Variants in ANKFN1 observed in about 807,000 individuals in gnomAD.
ANKFN1 encodes ankyrin repeat and fibronectin type III domain containing 1.
Under a neutral mutation model 108.7 loss-of-function variants are expected in ANKFN1, and 74 were observed. The observed-to-expected ratio is 0.68, with a 90% CI of 0.56 to 0.83. The LOEUF (loss-of-function observed/expected upper bound fraction) is 0.83. ANKFN1 is among the 40% of genes least tolerant of loss of function. ANKFN1 has a pLI of 0.00. For synonymous variants in ANKFN1, 547 were observed against 516.2 expected (o/e 1.06, Z -0.81); for missense variants, 1,505 against 1,382.3 (o/e 1.09, Z -1.41).
rs2050747805 is a variant in ANKFN1, at chr17:56,482,608, C to T, written c.2260+84C>T. The stretch of plus-strand genomic sequence containing the variant: ...AAGTTATATCTGTTCCCCCTTGTCC[C>T]AGTGGAGGGTCAATAAATCACATGA... On this transcript the variant is annotated intron_variant, in intron 18 of 20. Coordinates refer to ENST00000682825, the MANE Select transcript of ANKFN1 (RefSeq NM_001370326.1). 4 of 1,474,726 alleles carry T rather than the reference C, an allele frequency of 2.7e-6. No individual in the cohort carries two copies. The Admixed American group carries it at 8.1e-5, about 30-fold the overall frequency. The allele number at this position is 1,474,726 out of a possible 1,614,324, so 91.4% of individuals were successfully genotyped here.
At chr17:56,445,577 A>G (rs532500680) in intron 10 of ANKFN1, among the ~76,000 whole-genome samples, 5 of 152,354 alleles carry the variant, frequency 3.3e-5, no homozygotes, top group African/African-American at 1.2e-4. Flanking sequence ...AAGGAACAAT[A>G]TAAAAACACT....
chr17:56,434,230 A>G (rs1304504449), intron 8 of ANKFN1, among the ~76,000 whole-genome samples: 1 of 152,136 alleles, frequency 6.6e-6, no homozygotes, highest in African/African-American at 2.4e-5. Flanking sequence ...GATAAGCAAA[A>G]CTAGGAGAGT....
chr17:56,107,415 C>A (rs936112601), intron 4 of ANKFN1, among the ~76,000 whole-genome samples: 1 of 152,132 alleles, frequency 6.6e-6, no homozygotes, highest in African/African-American at 2.4e-5. Flanking sequence ...AGGGTCATAG[C>A]AATGAATTTT....
rs889221711 is a variant in ANKFN1, at chr17:56,051,802, G to C, written c.288+5477G>C. On this transcript the variant is annotated intron_variant, in intron 4 of 12. Coordinates refer to the ANKFN1 transcript ENST00000635860. ...AGACTAACAGAGAGCCAAATCATGA[G>C]TGAATTCCCATTCACAATTGCTTCA... is the stretch of plus-strand genomic sequence containing the variant. Among the ~76,000 whole-genome samples the C allele has an allele frequency of 6.6e-5, 10 of 151,598 alleles. 1 individual carries two copies. Among genetic ancestry groups the C allele is most frequent in the African/African-American group, 2.4e-4 (10 of 41,342 alleles).
intron 3 of ANKFN1, among the ~76,000 whole-genome samples, chr17:56,296,699 A>AAACAACAACAAC (rs572858230): frequency 6.6e-6 from 1 of 151,932 alleles, no homozygotes; most frequent in African/African-American, 2.4e-5. Context: ...ACAAACAAAC[A>AAACAACAACAAC]AACAACAACA....
intron 4 of ANKFN1, among the ~76,000 whole-genome samples, chr17:56,110,148 C>T (rs557460073): frequency 6.6e-6 from 1 of 152,304 alleles, no homozygotes; most frequent in Non-Finnish European, 1.5e-5. Flanking sequence ...TGAGCCCTGC[C>T]TGAAAGCGGT....
chr17:56,321,030 C>G (rs1158190729), intron 3 of ANKFN1, among the ~76,000 whole-genome samples: 1 of 147,078 alleles, frequency 6.8e-6, no homozygotes, highest in Non-Finnish European at 1.5e-5. Context: ...CAAGAACTAG[C>G]ATGCCCGTGA....
chr17:56,335,584 G>A (rs1209310578), intron 4 of ANKFN1, among the ~76,000 whole-genome samples: 1 of 152,210 alleles, frequency 6.6e-6, no homozygotes, highest in Admixed American at 6.5e-5. Flanking sequence ...AGACTTTGCT[G>A]AAGTTGCTTA....
intron 4 of ANKFN1, among the ~76,000 whole-genome samples, chr17:56,127,742 C>G (rs966761162): frequency 1.3e-5 from 2 of 152,246 alleles, no homozygotes; most frequent in Admixed American, 6.5e-5. Flanking sequence ...CCAAAAAGCT[C>G]TAATCCCTTG....
intron 4 of ANKFN1, among the ~76,000 whole-genome samples, chr17:56,095,489 A>C (rs1251445659): frequency 6.9e-6 from 1 of 144,912 alleles, no homozygotes; most frequent in Non-Finnish European, 1.6e-5. Context: ...TGTTGTTGAG[A>C]TGGGATCTTG....
At chr17:56,316,842 T>C (rs1209120063) in intron 3 of ANKFN1, among the ~76,000 whole-genome samples, 2 of 152,136 alleles carry the variant, frequency 1.3e-5, no homozygotes, top group African/African-American at 4.8e-5. Flanking sequence ...CTGTAAGCAT[T>C]TAAAAAGCAC....
chr17:56,048,697 A>G lies in ANKFN1; in HGVS notation c.288+2372A>G, dbSNP rs74750252. Among the ~76,000 whole-genome samples the G allele has an allele frequency of 9.1e-3, 1,390 of 152,328 alleles. 37 individuals carry two copies. The highest frequency in any genetic ancestry group is 0.078 in the East Asian group (406 of 5,178). On this transcript the variant is annotated intron_variant, in intron 4 of 12. Transcript: ENST00000635860. ...TCCCTGTAAAGGATGAAGAAAGGAAAGGTAGAAGATCTCTATCCTGTCCCA... is the reference window on the plus strand; with the variant it reads ...TCCCTGTAAAGGATGAAGAAAGGAAGGGTAGAAGATCTCTATCCTGTCCCA...
intron 8 of ANKFN1, among the ~76,000 whole-genome samples, chr17:56,409,522 C>A (rs2048025080): frequency 6.6e-6 from 1 of 152,162 alleles, no homozygotes; most frequent in South Asian, 2.1e-4. Flanking sequence ...AGTTGAAGAA[C>A]ATCTCATACT....
At chr17:56,079,959 A>C (rs1363621729) in intron 4 of ANKFN1, among the ~76,000 whole-genome samples, 1 of 152,238 alleles carries the variant, frequency 6.6e-6, no homozygotes, top group African/African-American at 2.4e-5. Context: ...TCAACAAAGT[A>C]ACTCAGAGGA....
chr17:56,379,268 G>A (rs149247724), intron 8 of ANKFN1, among the ~76,000 whole-genome samples: 2,667 of 152,022 alleles, frequency 0.018, 31 homozygotes, highest in Middle Eastern at 0.041. Context: ...GCATGGTGGC[G>A]GGCGCCTGTA....
intron 3 of ANKFN1, among the ~76,000 whole-genome samples, chr17:56,258,925 T>C (rs1400671826): frequency 6.8e-6 from 1 of 148,090 alleles, no homozygotes. Flanking sequence ...AATAAATAAG[T>C]AAATAAATAA....
chr17:56,323,892 T>G (rs1484514292), intron 3 of ANKFN1, among the ~76,000 whole-genome samples: 1 of 152,076 alleles, frequency 6.6e-6, no homozygotes, highest in Non-Finnish European at 1.5e-5. Flanking sequence ...TGCAATAAAA[T>G]ATAAGGGATA....
intron 3 of ANKFN1, among the ~76,000 whole-genome samples, chr17:56,292,266 T>C (rs1176334531): frequency 2.0e-5 from 3 of 152,092 alleles, no homozygotes; most frequent in Non-Finnish European, 4.4e-5. Flanking sequence ...AGGTTAAGGA[T>C]CTAACAATTG....
At chr17:56,394,651 G>A (rs532364860) in intron 8 of ANKFN1, among the ~76,000 whole-genome samples, 15 of 152,112 alleles carry the variant, frequency 9.9e-5, no homozygotes, top group Admixed American at 6.5e-5. Context: ...GAGCCCATAC[G>A]CCTCAGGGAC....
Sources: gnomAD v4.1 joint callset for allele counts (sites outside exome capture counted in the v4.1 genomes callset) on GRCh38, gnomAD v4.1.1 for gene constraint, MANE v1.5 for transcripts, NCBI Gene and HGNC (gene_info 2026-07-23, HGNC 2026-07-21) for gene names.